Variants in AMMECR1 observed in about 807,000 individuals in gnomAD.
AMMECR1 encodes the protein AMMECR nuclear protein 1, also known as nuclear protein AMMECR1.
AMMECR1 carries 3 observed loss-of-function variants against 22.5 expected under a neutral mutation model. The ratio of observed to expected loss-of-function variants is 0.13; its 90% CI spans 0.06 to 0.35. The LOEUF is 0.35. AMMECR1 is among the 10% of genes least tolerant of loss of function. AMMECR1 has a pLI of 1.00. For missense variants in AMMECR1, 235 were observed against 278.7 expected (o/e 0.84, Z 1.12); for synonymous variants, 130 against 116.7 (o/e 1.11, Z -0.74).
At chrX:110,413,365 G>A (rs2068654680) in intron 2 of AMMECR1, among the ~76,000 whole-genome samples, 1 of 111,379 alleles carries the variant, frequency 9.0e-6, no homozygotes, top group African/African-American at 3.3e-5. Flanking sequence ...AGGCACCCTA[G>A]GGCTGGGAGG....
chrX:110,343,192 G>A (rs763075146), intron 2 of AMMECR1, among the ~76,000 whole-genome samples: 11 of 111,706 alleles, frequency 9.8e-5, no homozygotes, highest in South Asian at 3.7e-4. Flanking sequence ...TTCAACATAC[G>A]CAAATCAATA....
At position 110,276,704 on chromosome X, in the gene AMMECR1, C is replaced by T. The variant is rs146903758; in HGVS notation, c.474-12105G>A. Among the ~76,000 whole-genome samples the T allele has an allele frequency of 7.5e-3, 841 of 111,695 alleles. 6 individuals carry two copies. Among genetic ancestry groups the T allele is most frequent in the African/African-American group, 0.025 (782 of 30,708 alleles). On this transcript the variant is annotated intron_variant, in intron 1 of 5. Coordinates refer to ENST00000262844, the MANE Select transcript of AMMECR1 (RefSeq NM_015365.3). Reference sequence around the variant, plus strand: ...GCTCTGGTAAGTTTTCAGCTTATAGCTCCTGAGCAGTTGTTTTCTGCCCAG... The same window carrying T: ...GCTCTGGTAAGTTTTCAGCTTATAGTTCCTGAGCAGTTGTTTTCTGCCCAG...
intron 1 of AMMECR1, among the ~76,000 whole-genome samples, chrX:110,290,239 C>T (rs2067900605): frequency 8.9e-6 from 1 of 111,732 alleles, no homozygotes; most frequent in African/African-American, 3.3e-5. Flanking sequence ...ACTTGATGAT[C>T]CACTGTGAAC....
chrX:110,388,671 C>A (rs2068474513), intron 2 of AMMECR1, among the ~76,000 whole-genome samples: 1 of 112,284 alleles, frequency 8.9e-6, no homozygotes, highest in African/African-American at 3.2e-5. Flanking sequence ...ATATCCCACC[C>A]CTGAGTTTCT....
intron 2 of AMMECR1, among the ~76,000 whole-genome samples, chrX:110,391,310 T>C (rs1220971323): frequency 8.9e-6 from 1 of 112,049 alleles, no homozygotes; most frequent in Non-Finnish European, 1.9e-5. Flanking sequence ...GGCCCTGGAC[T>C]GCTGAATTCA....
chrX:110,206,961 T>G, intron 3 of AMMECR1, among the ~76,000 whole-genome samples: 1 of 112,146 alleles, frequency 8.9e-6, no homozygotes. Flanking sequence ...AAAATATGCT[T>G]TGCAATTAAC....
At position 110,267,024 on chromosome X, in the gene AMMECR1, C is replaced by CT. The variant is rs987097448; in HGVS notation, c.474-2426dup. ...TCCCTGCAAAGGACATGAACTCATCCTTTTTATGGCTGCATAGTATTCCAT... is the reference window on the plus strand; with the variant it reads ...TCCCTGCAAAGGACATGAACTCATCCTTTTTTATGGCTGCATAGTATTCCAT... On this transcript the variant is annotated intron_variant, in intron 1 of 5. Transcript: ENST00000262844. 2.7e-5 allele frequency among the ~76,000 whole-genome samples: 3 copies of CT among 111,190 alleles called. No individual in the cohort carries two copies. The Admixed American group carries it at 2.9e-4, about 11-fold the overall frequency.
At chrX:110,287,046 T>C (rs1327312337) in intron 1 of AMMECR1, among the ~76,000 whole-genome samples, 1 of 112,358 alleles carries the variant, frequency 8.9e-6, no homozygotes, top group Non-Finnish European at 1.9e-5. Flanking sequence ...TGAGACCAGC[T>C]ACTATCATGT....
At chrX:110,266,730 G>A (rs1301131714) in intron 1 of AMMECR1, among the ~76,000 whole-genome samples, 1 of 108,085 alleles carries the variant, frequency 9.3e-6, no homozygotes, top group Non-Finnish European at 1.9e-5. Context: ...GGGTACATGT[G>A]CAGAACGCAC....
At chrX:110,232,355 A>C (rs989167396) in intron 2 of AMMECR1, among the ~76,000 whole-genome samples, 1 of 112,409 alleles carries the variant, frequency 8.9e-6, no homozygotes, top group Non-Finnish European at 1.9e-5. Flanking sequence ...ACTCAGGATT[A>C]AGAAACTCAC....
intron 2 of AMMECR1, among the ~76,000 whole-genome samples, chrX:110,244,653 T>C (rs2067649535): frequency 8.9e-6 from 1 of 111,867 alleles, no homozygotes; most frequent in African/African-American, 3.2e-5. Context: ...AGCACAGACA[T>C]CATGTACTGT....
chrX:110,314,820 T>C (rs766582382), intron 1 of AMMECR1, among the ~76,000 whole-genome samples: 3 of 112,027 alleles, frequency 2.7e-5, no homozygotes, highest in Non-Finnish European at 5.6e-5. Flanking sequence ...AGAATTTGTA[T>C]CCATACAGCT....
At chrX:110,238,828 G>A (rs758231130) in intron 2 of AMMECR1, among the ~76,000 whole-genome samples, 9 of 112,161 alleles carry the variant, frequency 8.0e-5, no homozygotes, top group Non-Finnish European at 1.1e-4. Flanking sequence ...GTGCCCCTCT[G>A]GGATGAAGCT....
intron 2 of AMMECR1, among the ~76,000 whole-genome samples, chrX:110,341,998 G>T (rs1209508764): frequency 6.3e-5 from 7 of 110,964 alleles, no homozygotes; most frequent in Non-Finnish European, 1.1e-4. Context: ...GGTCGAGGCT[G>T]CAGTGAGCTG....
chrX:110,403,093 C>A (rs2068575774), intron 2 of AMMECR1, among the ~76,000 whole-genome samples: 1 of 111,198 alleles, frequency 9.0e-6, no homozygotes, highest in Non-Finnish European at 1.9e-5. Flanking sequence ...GCCCTGCCAT[C>A]CTTGGGAGTA....
chrX:110,305,821 TAA>T (rs1293422665), intron 1 of AMMECR1, among the ~76,000 whole-genome samples: 1 of 103,658 alleles, frequency 9.6e-6, no homozygotes. Flanking sequence ...TACTGAAAAT[TAA>T]AAAAAAAAAA....
chrX:110,338,368 TACAA>T (rs1407910643), intron 2 of AMMECR1, among the ~76,000 whole-genome samples: 1 of 111,748 alleles, frequency 8.9e-6, no homozygotes, highest in Non-Finnish European at 1.9e-5. Context: ...TCCTCAGAAG[TACAA>T]ACAATGAGTG....
chrX:110,438,166 C>T (rs1030463390), intron 1 of AMMECR1, among the ~76,000 whole-genome samples: 2 of 111,489 alleles, frequency 1.8e-5, no homozygotes, highest in African/African-American at 6.5e-5. Context: ...TGTTCCTCCT[C>T]TCTCTTTGTC....
At chrX:110,311,358 T>C (rs951087928) in intron 1 of AMMECR1, among the ~76,000 whole-genome samples, 4 of 112,109 alleles carry the variant, frequency 3.6e-5, no homozygotes, top group East Asian at 2.8e-4. Context: ...TCTACAATCA[T>C]GTATATATTG....
Sources: allele counts gnomAD v4.1 joint callset (sites outside exome capture counted in the v4.1 genomes callset), GRCh38; gene constraint gnomAD v4.1.1; transcripts MANE v1.5; gene names NCBI Gene and HGNC (gene_info 2026-07-23, HGNC 2026-07-21).